BCAS1: variants seen among roughly 807,000 people sequenced by gnomAD.
The protein encoded by BCAS1 is brain enriched myelin associated protein 1, also known as breast carcinoma-amplified sequence 1.
Under a neutral mutation model 65.4 loss-of-function variants are expected in BCAS1, and 46 were observed. That is an observed-to-expected ratio of 0.70 (90% CI 0.55 to 0.90). The LOEUF (loss-of-function observed/expected upper bound fraction) is 0.90. Among genes scored for constraint, BCAS1 ranks in the 40% least tolerant of loss-of-function variants. The probability of loss-of-function intolerance (pLI) is 0.00; values close to 1 mark genes in which losing one functional copy is unlikely to be tolerated. For missense variants in BCAS1, 793 were observed against 771.2 expected (o/e 1.03, Z -0.33); for synonymous variants, 298 against 293.5 (o/e 1.02, Z -0.16).
chr20:54,028,031 T>C (rs1444463288), intron 4 of BCAS1, among the ~76,000 whole-genome samples: 2 of 152,188 alleles, frequency 1.3e-5, no homozygotes, highest in East Asian at 1.9e-4. Flanking sequence ...CTAGGTAACA[T>C]CTTTTAGGAA....
At chr20:54,051,671 A>AT (rs1163287952) in intron 3 of BCAS1, among the ~76,000 whole-genome samples, 3 of 150,536 alleles carry the variant, frequency 2.0e-5, no homozygotes, top group East Asian at 3.9e-4. Flanking sequence ...TATTGAATTT[A>AT]TTTTTTTTCT....
rs190885041 is a variant in BCAS1 at position 53,943,599 on chromosome 20, T to C, written c.*1323A>G. On this transcript the variant is annotated 3_prime_UTR_variant, in exon 13 of 13. Transcript: ENST00000688948. ...AAAAGAAAGATACAGTTTACATGAC[T>C]GTCAGTCAATCATATGCTACTTTGA... 2.6e-5 allele frequency: 4 copies of C among 152,256 alleles called. No individual in the cohort carries two copies. Among genetic ancestry groups the C allele is most frequent in the Non-Finnish European group, 4.4e-5 (3 of 68,044 alleles). The allele number at this position is 152,256 out of a possible 1,614,324, so 9.4% of individuals were successfully genotyped here. A position where few individuals can be genotyped will look rare whatever the true frequency, so the allele number is the denominator to read the frequency against.
chr20:54,065,889 G>A (rs773256643), intron 1 of BCAS1, among the ~76,000 whole-genome samples: 1 of 152,106 alleles, frequency 6.6e-6, no homozygotes, highest in Admixed American at 6.5e-5. Flanking sequence ...CTGGGTGGCT[G>A]GTGCACAGCA....
intron 12 of BCAS1, 107 bp from the exon 13 acceptor site, chr20:53,945,103 T>C (rs1414822308): frequency 9.3e-6 from 9 of 969,058 alleles, no homozygotes; most frequent in Non-Finnish European, 1.5e-5. Context: ...TGGGCTAAAT[T>C]AATATATCTC....
At chr20:53,999,875 G>A (rs940756592) in intron 4 of BCAS1, among the ~76,000 whole-genome samples, 14 of 152,160 alleles carry the variant, frequency 9.2e-5, no homozygotes, top group Non-Finnish European at 1.9e-4. Flanking sequence ...GGATTACAGT[G>A]TGTGCCACCA....
At chr20:53,960,426 C>G (rs1377415718) in intron 10 of BCAS1, among the ~76,000 whole-genome samples, 1 of 144,214 alleles carries the variant, frequency 6.9e-6, no homozygotes, top group Non-Finnish European at 1.5e-5. Flanking sequence ...GAAAACAGAC[C>G]TCCAGGCTGT....
chr20:53,956,413 G>C (rs1443203524), intron 11 of BCAS1, among the ~76,000 whole-genome samples: 2 of 152,154 alleles, frequency 1.3e-5, no homozygotes, highest in African/African-American at 2.4e-5. Flanking sequence ...CCAGCCACAA[G>C]AACTGCAAGA....
At chr20:54,047,841 G>T (rs941712982) in intron 3 of BCAS1, among the ~76,000 whole-genome samples, 1 of 152,214 alleles carries the variant, frequency 6.6e-6, no homozygotes, top group Non-Finnish European at 1.5e-5. Context: ...AATTTCTGGG[G>T]TTTAAATACC....
intron 4 of BCAS1, among the ~76,000 whole-genome samples, chr20:54,005,135 A>T (rs2091152874): frequency 6.6e-6 from 1 of 152,168 alleles, no homozygotes; most frequent in African/African-American, 2.4e-5. Context: ...GATAAAGGTC[A>T]GTAGATAGGG....
At chr20:53,987,517 T>A (rs2090644708) in intron 7 of BCAS1, among the ~76,000 whole-genome samples, 1 of 152,332 alleles carries the variant, frequency 6.6e-6, no homozygotes, top group African/African-American at 2.4e-5. Flanking sequence ...GTAGCTTGTT[T>A]TCTTTTTCAG....
chr20:54,049,167 C>G (rs988072576), intron 3 of BCAS1, among the ~76,000 whole-genome samples: 1 of 152,174 alleles, frequency 6.6e-6, no homozygotes, highest in Non-Finnish European at 1.5e-5. Flanking sequence ...GCACTTTTCT[C>G]AAGTTAGAAT....
intron 3 of BCAS1, among the ~76,000 whole-genome samples, chr20:54,050,425 A>G (rs965979070): frequency 1.7e-4 from 26 of 152,216 alleles, no homozygotes; most frequent in African/African-American, 6.3e-4. Flanking sequence ...ATACATGAAG[A>G]AATTGCATAA....
At position 53,952,650 on chromosome 20, in the gene BCAS1, G is replaced by T. The variant is rs186295191; in HGVS notation, c.1815+782C>A. Among the ~76,000 whole-genome samples, 113 of 152,272 alleles carry T rather than the reference G, an allele frequency of 7.4e-4. 3 individuals are homozygous for T. The East Asian group carries it at 0.018, about 25-fold the overall frequency. On this transcript the variant is annotated intron_variant, in intron 12 of 12. Transcript: ENST00000688948. Reference sequence around the variant, plus strand: ...TTTTTTTGTAACAAATAGCCATGTTGCAGCCAATCACAAATAGCTGAGCTT... The same window carrying T: ...TTTTTTTGTAACAAATAGCCATGTTTCAGCCAATCACAAATAGCTGAGCTT...
intron 3 of BCAS1, among the ~76,000 whole-genome samples, chr20:54,036,340 T>G (rs1307614869): frequency 6.6e-6 from 1 of 151,492 alleles, no homozygotes; most frequent in East Asian, 1.9e-4. Flanking sequence ...AGAATGACAG[T>G]AGCAGCTCCA....
chr20:53,992,370 T>C lies in BCAS1; in HGVS notation c.1062+142A>G, dbSNP rs984375146. 5 of 604,948 alleles carry C rather than the reference T, an allele frequency of 8.3e-6. No individual in the cohort carries two copies. In the Admixed American group the frequency reaches 1.1e-4, roughly 14 times the overall value. 37.5% of individuals were successfully genotyped at this position (604,948 alleles called of 1,614,324 possible). On this transcript the variant is annotated intron_variant, in intron 7 of 12. Coordinates refer to ENST00000688948, the MANE Select transcript of BCAS1 (RefSeq NM_001366298.2). ...TTAAAAATCACTGAAGTTTAATTCA[T>C]ATCATCTTTAATTCTCTTTTAATGA... is the stretch of plus-strand genomic sequence containing the variant.
chr20:54,029,062 C>A lies in BCAS1; in HGVS notation c.143-90G>T, dbSNP rs543189939. On this transcript the variant is annotated intron_variant, in intron 3 of 12. Coordinates refer to ENST00000688948, the MANE Select transcript of BCAS1 (RefSeq NM_001366298.2). ...ACTCCAGACATTTTTTATACAAAAGCCATACTGCATACTGGAACTGTGTTG... is the reference window on the plus strand; with the variant it reads ...ACTCCAGACATTTTTTATACAAAAGACATACTGCATACTGGAACTGTGTTG... 78 of 1,477,376 alleles carry A rather than the reference C, an allele frequency of 5.3e-5. 2 individuals carry two copies. In the South Asian group the frequency reaches 1.0e-3, roughly 20 times the overall value. The allele number at this position is 1,477,376 out of a possible 1,614,324, so 91.5% of individuals were successfully genotyped here. A position where few individuals can be genotyped will look rare whatever the true frequency, so the allele number is the denominator to read the frequency against.
intron 7 of BCAS1, among the ~76,000 whole-genome samples, chr20:53,989,983 C>T (rs543415796): frequency 1.3e-5 from 2 of 152,094 alleles, no homozygotes; most frequent in African/African-American, 4.8e-5. Context: ...ACCTGGTGGC[C>T]CTGCCCATGA....
In BCAS1 at chr20:54,029,416, G is replaced by A. The variant is rs1298384915; in HGVS notation, c.143-444C>T. Among the ~76,000 whole-genome samples, 9 of 152,228 alleles carry A rather than the reference G, an allele frequency of 5.9e-5. No homozygotes were observed. In the South Asian group the frequency reaches 6.2e-4, roughly 11 times the overall value. On this transcript the variant is annotated intron_variant, in intron 3 of 12. Transcript: ENST00000688948. Reference sequence around the variant, plus strand: ...ATTCTTTGTTAGGGAGGCTCATCCCGTGCCTCATAGGCTGATTAGCAGCAT... The same window carrying A: ...ATTCTTTGTTAGGGAGGCTCATCCCATGCCTCATAGGCTGATTAGCAGCAT...
intron 7 of BCAS1, among the ~76,000 whole-genome samples, chr20:53,991,862 G>T (rs208383): frequency 0.098 from 14,951 of 152,210 alleles, 1,260 homozygotes; most frequent in East Asian, 0.48. Flanking sequence ...GCAGAAATAT[G>T]ATATTACATA....
Sources: allele counts gnomAD v4.1 joint callset (sites outside exome capture counted in the v4.1 genomes callset), GRCh38; gene constraint gnomAD v4.1.1; transcripts MANE v1.5; gene names NCBI Gene and HGNC (gene_info 2026-07-23, HGNC 2026-07-21).